TIMM9: variants seen among roughly 807,000 people sequenced by gnomAD.
The protein encoded by TIMM9 is translocase of inner mitochondrial membrane 9, also known as mitochondrial import inner membrane translocase subunit Tim9.
TIMM9 carries 10 observed loss-of-function variants against 13.4 expected under a neutral mutation model. The ratio of observed to expected loss-of-function variants is 0.75; its 90% CI spans 0.46 to 1.26. TIMM9 has a LOEUF of 1.26. TIMM9 is among the 50% of genes most tolerant of loss of function. The pLI is 0.00. For synonymous variants in TIMM9, 32 were observed against 32.1 expected (o/e 1.00, Z 0.01); for missense variants, 87 against 100.8 (o/e 0.86, Z 0.58).
intron 3 of TIMM9, among the ~76,000 whole-genome samples, chr14:58,413,924 G>T (rs1011908794): frequency 7.5e-6 from 1 of 133,894 alleles, no homozygotes; most frequent in African/African-American, 2.8e-5. Flanking sequence ...GAAGAATGGC[G>T]TGAACCCGGG....
rs1217040667 is a variant in TIMM9 at position 58,409,149 on chromosome 14, C to T, written c.155G>A (p.Cys52Tyr). 1 of 1,613,660 alleles carries T rather than the reference C, an allele frequency of 6.2e-7. No homozygotes were observed. Among genetic ancestry groups the T allele is most frequent in the Admixed American group, 1.7e-5 (1 of 59,920 alleles). ...TGTCATTTTTAAATATTTCTGTAAG[C>T]AATGTTCTGAACAGGTGGTCTAGGA... ...KPEETTCSEH[C>Y]LQKYLKMTQR... Residue 52 changes from cysteine to tyrosine, a missense_variant, in exon 6 of 6, where the codon TGC (cysteine) becomes TAC (tyrosine). Physicochemically the swap from Cys to Tyr is radical, Grantham distance 194. Coordinates refer to ENST00000395159, the MANE Select transcript of TIMM9 (RefSeq NM_012460.4).
intron 3 of TIMM9, among the ~76,000 whole-genome samples, chr14:58,415,086 G>C (rs1272822553): frequency 6.6e-6 from 1 of 152,224 alleles, no homozygotes; most frequent in Non-Finnish European, 1.5e-5. Flanking sequence ...GTGGAAGCCT[G>C]GTGAGGAGCC....
At chr14:58,423,256 A>G (rs911715613) in intron 3 of TIMM9, among the ~76,000 whole-genome samples, 3 of 151,640 alleles carry the variant, frequency 2.0e-5, no homozygotes, top group Admixed American at 2.0e-4. Flanking sequence ...AGTGGCTCAC[A>G]CCTGTAATCC....
chr14:58,425,371 C>G (rs936702647), intron 2 of TIMM9, among the ~76,000 whole-genome samples: 1 of 151,324 alleles, frequency 6.6e-6, no homozygotes, highest in Non-Finnish European at 1.5e-5. Flanking sequence ...AGAAAATAAG[C>G]CTGGGCAATA....
chr14:58,409,929 T>C (rs2140311103), intron 5 of TIMM9, among the ~76,000 whole-genome samples: 1 of 152,106 alleles, frequency 6.6e-6, no homozygotes, highest in Admixed American at 6.6e-5. Flanking sequence ...CAGGGTGGAG[T>C]GCAGTGCCTC....
At chr14:58,425,732 TGTA>T (rs1349365848) in intron 2 of TIMM9, among the ~76,000 whole-genome samples, 1 of 152,150 alleles carries the variant, frequency 6.6e-6, no homozygotes. Flanking sequence ...ACTCTGACAT[TGTA>T]GTTCTTTCAG....
At chr14:58,426,308 C>A (rs961649390) in intron 2 of TIMM9, among the ~76,000 whole-genome samples, 5 of 151,322 alleles carry the variant, frequency 3.3e-5, no homozygotes, top group African/African-American at 1.2e-4. Context: ...CGGGTTCAAG[C>A]AATTCTCTTG....
At chr14:58,411,157 C>T (rs1047280816) in intron 4 of TIMM9, among the ~76,000 whole-genome samples, 1 of 152,030 alleles carries the variant, frequency 6.6e-6, no homozygotes, top group African/African-American at 2.4e-5. Flanking sequence ...ATTAAAAATA[C>T]ATATGCTTGG....
At position 58,417,569 on chromosome 14, in the gene TIMM9, G is replaced by A. The variant is rs553966279; in HGVS notation, c.-26-5598C>T. On this transcript the variant is annotated intron_variant, in intron 3 of 5. Transcript: ENST00000395159. Reference sequence around the variant, plus strand: ...AGGGGAGGGAGAGAGGGAAAGGAGCGTGGGAGGGAGGGAAAGGAGCGTGGG... The same window carrying A: ...AGGGGAGGGAGAGAGGGAAAGGAGCATGGGAGGGAGGGAAAGGAGCGTGGG... 3.6e-3 allele frequency among the ~76,000 whole-genome samples: 494 copies of A among 137,610 alleles called. 5 individuals carry two copies. The highest frequency in any genetic ancestry group is 0.013 in the African/African-American group (469 of 36,878). 90.3% of individuals were successfully genotyped at this position (137,610 alleles called of 152,430 possible). A position where few individuals can be genotyped will look rare whatever the true frequency, so the allele number is the denominator to read the frequency against.
At chr14:58,419,894 G>A (rs959502110) in intron 3 of TIMM9, among the ~76,000 whole-genome samples, 1 of 152,180 alleles carries the variant, frequency 6.6e-6, no homozygotes, top group African/African-American at 2.4e-5. Flanking sequence ...TCCAGCCTGG[G>A]TGACAGACCC....
At position 58,408,788 on chromosome 14, in the gene TIMM9, G is replaced by T; in HGVS notation, c.*246C>A. ...ATTTTTCTAATCAAGTGACCAAGCT[G>T]CTGAATCATAAGGCCTCAACAAATG... On this transcript the variant is annotated 3_prime_UTR_variant, in exon 6 of 6. Coordinates refer to ENST00000395159, the MANE Select transcript of TIMM9 (RefSeq NM_012460.4). 1.5e-6 allele frequency: 1 copy of T among 684,286 alleles called. No individual in the cohort carries two copies. Among genetic ancestry groups the T allele is most frequent in the Non-Finnish European group, 2.3e-6 (1 of 425,906 alleles). The allele number at this position is 684,286 out of a possible 1,614,324, so 42.4% of individuals were successfully genotyped here. A position where few individuals can be genotyped will look rare whatever the true frequency, so the allele number is the denominator to read the frequency against.
chr14:58,411,978 T>A lies in TIMM9; in HGVS notation c.-26-7A>T, dbSNP rs748393519. The A allele has an allele frequency of 3.0e-4, 475 of 1,606,560 alleles. No homozygotes were observed. Among genetic ancestry groups the A allele is most frequent in the Non-Finnish European group, 3.9e-4 (452 of 1,173,892 alleles). On this transcript the variant is annotated splice_polypyrimidine_tract_variant and splice_region_variant and intron_variant, in intron 3 of 5. Coordinates refer to ENST00000395159, the MANE Select transcript of TIMM9 (RefSeq NM_012460.4). Reference sequence around the variant, plus strand: ...TGGTACCTTTATTAGTCACCTAATTTAAAAATTCAAAACAAGTTTGTCAAT... The same window carrying A: ...TGGTACCTTTATTAGTCACCTAATTAAAAAATTCAAAACAAGTTTGTCAAT...
In TIMM9 at chr14:58,408,667, TTTTAC is replaced by T. The variant is rs1369815615; in HGVS notation, c.*362_*366del. On this transcript the variant is annotated 3_prime_UTR_variant, in exon 6 of 6. Transcript: ENST00000395159. ...AACTGCTCAGTGATATTTCCATTTA[TTTTAC>T]TTTGAGTAATAAAAATTTTTCTATC... is the stretch of plus-strand genomic sequence containing the variant. 16 of 1,364,044 alleles carry T rather than the reference TTTTAC, an allele frequency of 1.2e-5. No individual in the cohort carries two copies. The highest frequency in any genetic ancestry group is 1.8e-4 in the Middle Eastern group (1 of 5,432). The allele number at this position is 1,364,044 out of a possible 1,614,324, so 84.5% of individuals were successfully genotyped here.
intron 3 of TIMM9, among the ~76,000 whole-genome samples, chr14:58,413,924 G>A (rs1011908794): frequency 4.5e-5 from 6 of 133,896 alleles, no homozygotes; most frequent in African/African-American, 1.1e-4. Flanking sequence ...GAAGAATGGC[G>A]TGAACCCGGG....
chr14:58,426,438 C>T (rs1159084749), intron 2 of TIMM9, among the ~76,000 whole-genome samples: 1 of 152,066 alleles, frequency 6.6e-6, no homozygotes, highest in Non-Finnish European at 1.5e-5. Context: ...AACTCCTGAT[C>T]TCGTGATCCG....
chr14:58,416,767 T>G (rs1209123250), intron 3 of TIMM9, among the ~76,000 whole-genome samples: 2 of 152,204 alleles, frequency 1.3e-5, no homozygotes, highest in African/African-American at 4.8e-5. Context: ...GGTGATAAAC[T>G]AAATCAGTGC....
intron 3 of TIMM9, among the ~76,000 whole-genome samples, chr14:58,414,875 C>A (rs1326271348): frequency 6.6e-6 from 1 of 152,136 alleles, no homozygotes; most frequent in Non-Finnish European, 1.5e-5. Flanking sequence ...CACAGGGAGC[C>A]TGGCTTTCCA....
chr14:58,414,746 A>AAG (rs1268732242), intron 3 of TIMM9, among the ~76,000 whole-genome samples: 2 of 151,212 alleles, frequency 1.3e-5, no homozygotes, highest in East Asian at 1.9e-4. Context: ...CAAAAAAAAA[A>AAG]AAAAAGAAAA....
intron 2 of TIMM9, among the ~76,000 whole-genome samples, chr14:58,426,561 G>A (rs952104854): frequency 1.3e-5 from 2 of 152,130 alleles, no homozygotes; most frequent in Non-Finnish European, 2.9e-5. Context: ...AGATGTAAAA[G>A]AAATAAAATT....
Sources: allele counts gnomAD v4.1 joint callset (sites outside exome capture counted in the v4.1 genomes callset), GRCh38; gene constraint gnomAD v4.1.1; transcripts MANE v1.5; gene names NCBI Gene and HGNC (gene_info 2026-07-23, HGNC 2026-07-21).